Variants in LANCL1 observed in about 807,000 individuals in gnomAD.
LANCL1 encodes LanC like glutathione S-transferase 1.
In LANCL1, 50 loss-of-function variants were observed where a neutral mutation model predicts 50.6. The observed-to-expected ratio is 0.99, with a 90% CI of 0.79 to 1.25. The LOEUF is 1.25. Among genes scored for constraint, LANCL1 ranks in the 50% most tolerant of loss-of-function variants. The pLI, the probability that LANCL1 is intolerant of heterozygous loss-of-function variation, is 0.00. For synonymous variants in LANCL1, 188 were observed against 178.6 expected, an observed-to-expected ratio of 1.05 and a Z score of -0.42; for missense variants, 532 against 480.7, an observed-to-expected ratio of 1.11 and a Z score of -1.00.
chr2:210,440,552 TG>T (rs1279423805), intron 6 of LANCL1, 45 bp downstream of exon 6: 22 of 1,563,778 alleles, frequency 1.4e-5, no homozygotes, highest in Non-Finnish European at 1.8e-5. Flanking sequence ...TGATAGTACA[TG>T]GGTCAGGAAG....
intron 3 of LANCL1, among the ~76,000 whole-genome samples, chr2:210,465,012 A>C (rs968632669): frequency 1.3e-5 from 2 of 151,914 alleles, no homozygotes; most frequent in Admixed American, 6.6e-5. Flanking sequence ...CAGACTGTAC[A>C]TAGTGCCACC....
intron 3 of LANCL1, among the ~76,000 whole-genome samples, chr2:210,465,751 C>A (rs1694034716): frequency 6.6e-6 from 1 of 152,146 alleles, no homozygotes; most frequent in Non-Finnish European, 1.5e-5. Flanking sequence ...ATAACAGAAG[C>A]AGCAGCTTTT....
chr2:210,431,845 T>C lies in LANCL1; in HGVS notation c.*2642A>G, dbSNP rs1692755609. On this transcript the variant is annotated 3_prime_UTR_variant, in exon 10 of 10. Coordinates refer to ENST00000450366, the MANE Select transcript of LANCL1 (RefSeq NM_006055.3). ...CCGCCGTCCATGGTATCTATGGAAA[T>C]AGGATAATGTTAACTTTTTACATGA... is the stretch of plus-strand genomic sequence containing the variant. 1 of 152,164 alleles carries C rather than the reference T, an allele frequency of 6.6e-6. No individual in the cohort carries two copies. The highest frequency in any genetic ancestry group is 2.4e-5 in the African/African-American group (1 of 41,434). The allele number at this position is 152,164 out of a possible 1,614,324, so 9.4% of individuals were successfully genotyped here.
At chr2:210,467,525 T>G (rs1362778129) in intron 3 of LANCL1, among the ~76,000 whole-genome samples, 1 of 152,228 alleles carries the variant, frequency 6.6e-6, no homozygotes, top group Non-Finnish European at 1.5e-5. Context: ...TTTCTTAACA[T>G]TTTCTTTTTT....
chr2:210,456,142 C>CA (rs1477975223), intron 3 of LANCL1, among the ~76,000 whole-genome samples: 2 of 152,082 alleles, frequency 1.3e-5, no homozygotes, highest in African/African-American at 4.8e-5. Context: ...AGGGCAGACT[C>CA]AAAGATGTGG....
In LANCL1 at chr2:210,441,193, G is replaced by A. The variant is rs1191494559; in HGVS notation, c.543+115C>T. ...ACTGTGCCCAACCTTTAGAGGTCCA[G>A]ATACACCTTCCTTTATATGGAATGT... On this transcript the variant is annotated intron_variant, in intron 5 of 9. Coordinates refer to ENST00000450366, the MANE Select transcript of LANCL1 (RefSeq NM_006055.3). 1.7e-5 allele frequency: 18 copies of A among 1,074,586 alleles called. No homozygotes were observed. The South Asian group carries it at 2.7e-4, about 16-fold the overall frequency. 66.6% of individuals were successfully genotyped at this position (1,074,586 alleles called of 1,614,324 possible).
In LANCL1 at chr2:210,440,643, T is replaced by G. The variant is rs757121112; in HGVS notation, c.645A>C (p.Val215=). The G allele has an allele frequency of 3.7e-6, 6 of 1,613,908 alleles. No individual in the cohort carries two copies. The East Asian group carries it at 1.3e-4, about 36-fold the overall frequency. The stretch of plus-strand genomic sequence containing the variant: ...TTCCAGCCAGGCCATGAGCAGCCCC[T>G]ACATAATATTCCTGGTACCATTCAT... The part of the protein sequence containing the change: ...LMYEWYQEYY[V]GAAHGLAGIY... The change falls in exon 6 of 10, where the codon GTA becomes GTC. Residue 215 remains valine (V), a synonymous_variant. Transcript: ENST00000450366.
At chr2:210,464,972 C>CA (rs751226712) in intron 3 of LANCL1, among the ~76,000 whole-genome samples, 537 of 31,662 alleles carry the variant, frequency 0.017, 5 homozygotes, top group African/African-American at 0.045. Context: ...GACTCCGTCT[C>CA]AAAAAAAAAA....
chr2:210,468,473 C>T (rs766834541), intron 3 of LANCL1: 8 of 152,110 alleles, frequency 5.3e-5, no homozygotes, highest in Non-Finnish European at 1.2e-4. Context: ...GGTCTTATCC[C>T]AAAGTTCACT....
intron 2 of LANCL1, among the ~76,000 whole-genome samples, chr2:210,474,577 T>A (rs993071667): frequency 3.4e-5 from 5 of 148,332 alleles, no homozygotes; most frequent in Non-Finnish European, 7.5e-5. Context: ...AAAAAAAAAA[T>A]TAGCCAGGTG....
chr2:210,431,773 A>G lies in LANCL1; in HGVS notation c.*2714T>C, dbSNP rs534910314. ...AATTGGAACTGACATCAAAGATGAAAAGAGAGCCACATGACTCAGGATTAA... is the reference window on the plus strand; with the variant it reads ...AATTGGAACTGACATCAAAGATGAAGAGAGAGCCACATGACTCAGGATTAA... On this transcript the variant is annotated 3_prime_UTR_variant, in exon 10 of 10. Transcript: ENST00000450366. The G allele has an allele frequency of 1.1e-4, 17 of 152,310 alleles. No homozygotes were observed. The highest frequency in any genetic ancestry group is 1.9e-4 in the Non-Finnish European group (13 of 68,014). The allele number at this position is 152,310 out of a possible 1,614,324, so 9.4% of individuals were successfully genotyped here.
At chr2:210,472,858 G>A (rs1694263605) in intron 2 of LANCL1, among the ~76,000 whole-genome samples, 1 of 152,128 alleles carries the variant, frequency 6.6e-6, no homozygotes, top group Non-Finnish European at 1.5e-5. Flanking sequence ...TGTAAATGTT[G>A]ACATTTTTAC....
chr2:210,457,204 C>T (rs1234872319), intron 3 of LANCL1, among the ~76,000 whole-genome samples: 1 of 152,076 alleles, frequency 6.6e-6, no homozygotes, highest in Non-Finnish European at 1.5e-5. Context: ...GTGCTGCTGC[C>T]AATTAGAAAA....
At chr2:210,444,444 T>A (rs902803596) in intron 4 of LANCL1, among the ~76,000 whole-genome samples, 1 of 152,136 alleles carries the variant, frequency 6.6e-6, no homozygotes. Flanking sequence ...TGAGTGAAAG[T>A]GGCTGACAGT....
chr2:210,458,170 T>C (rs1345609026), intron 3 of LANCL1, among the ~76,000 whole-genome samples: 1 of 152,182 alleles, frequency 6.6e-6, no homozygotes, highest in East Asian at 1.9e-4. Context: ...AGCCACCTAA[T>C]CCTGGAGGAC....
chr2:210,473,473 C>G (rs756831635), intron 2 of LANCL1, among the ~76,000 whole-genome samples: 2 of 152,168 alleles, frequency 1.3e-5, no homozygotes, highest in Non-Finnish European at 2.9e-5. Context: ...ACTTGAATTT[C>G]ACATAGTAAT....
At chr2:210,447,116 C>T (rs968046129) in intron 4 of LANCL1, among the ~76,000 whole-genome samples, 1 of 152,120 alleles carries the variant, frequency 6.6e-6, no homozygotes, top group African/African-American at 2.4e-5. Flanking sequence ...GTCGGGTTAC[C>T]CACAAAGGGA....
chr2:210,466,683 T>G (rs1173078361), intron 3 of LANCL1, among the ~76,000 whole-genome samples: 1 of 152,124 alleles, frequency 6.6e-6, no homozygotes, highest in African/African-American at 2.4e-5. Flanking sequence ...ATTTTCTGCC[T>G]CCTCCTTTGA....
At chr2:210,476,288 G>A in intron 2 of LANCL1, 28 bp downstream of exon 2, 2 of 1,545,692 alleles carry the variant, frequency 1.3e-6, no homozygotes, top group East Asian at 4.5e-5. Context: ...GAGAGGCAGG[G>A]ATGCAGGCAG....
Sources: allele counts gnomAD v4.1 joint callset (sites outside exome capture counted in the v4.1 genomes callset), GRCh38; gene constraint gnomAD v4.1.1; transcripts MANE v1.5; gene names NCBI Gene and HGNC (gene_info 2026-07-23, HGNC 2026-07-21).